Variants in PLCXD3 observed in about 807,000 individuals in gnomAD.
PLCXD3 encodes phosphatidylinositol specific phospholipase C X domain containing 3.
PLCXD3 carries 19 observed loss-of-function variants against 25.5 expected under a neutral mutation model. The ratio of observed to expected loss-of-function variants is 0.75; its 90% CI spans 0.52 to 1.09. PLCXD3 has a LOEUF of 1.09. Among genes scored for constraint, PLCXD3 ranks in the 50% least tolerant of loss-of-function variants. The pLI, the probability that PLCXD3 is intolerant of heterozygous loss-of-function variation, is 0.00. For missense variants in PLCXD3, 411 were observed against 388.1 expected (o/e 1.06, Z -0.50); for synonymous variants, 174 against 137.6 (o/e 1.26, Z -1.85).
At chr5:41,362,681 T>G (rs779544919) in intron 2 of PLCXD3, among the ~76,000 whole-genome samples, 4 of 152,224 alleles carry the variant, frequency 2.6e-5, no homozygotes, top group Non-Finnish European at 4.4e-5. Context: ...AAAAGATTTA[T>G]GAGTTAAGTT....
chr5:41,510,363 AGCAGGGCGGGGCAGGTGGAGCGGGC>A, intron 1 of PLCXD3, 36 bp downstream of exon 1: 1 of 1,424,828 alleles, frequency 7.0e-7, no homozygotes, highest in Admixed American at 2.0e-5. Context: ...TGGCAGATAA[AGCAGGGCGGGGCAGGTGGAGCGGGC>A]GCCGAGCGCC....
At chr5:41,454,743 C>T (rs567547830) in intron 1 of PLCXD3, among the ~76,000 whole-genome samples, 7 of 151,836 alleles carry the variant, frequency 4.6e-5, no homozygotes, top group South Asian at 2.1e-4. Flanking sequence ...TGACAACCAC[C>T]GGAACTTAAG....
chr5:41,479,848 G>A (rs1486758369), intron 1 of PLCXD3, among the ~76,000 whole-genome samples: 1 of 151,922 alleles, frequency 6.6e-6, no homozygotes, highest in Non-Finnish European at 1.5e-5. Flanking sequence ...GAACCCTATA[G>A]GTTCATTACA....
At chr5:41,391,745 T>A (rs1443410054) in intron 1 of PLCXD3, among the ~76,000 whole-genome samples, 1 of 152,132 alleles carries the variant, frequency 6.6e-6, no homozygotes, top group South Asian at 2.1e-4. Context: ...CCAAGTGGGT[T>A]CTTGGGGTCC....
intron 1 of PLCXD3, among the ~76,000 whole-genome samples, chr5:41,439,780 A>G (rs1747337335): frequency 6.6e-6 from 1 of 152,210 alleles, no homozygotes; most frequent in South Asian, 2.1e-4. Context: ...TTAAAACCTA[A>G]TATCTAAAAC....
At chr5:41,340,208 C>A (rs1413569508) in intron 2 of PLCXD3, among the ~76,000 whole-genome samples, 2 of 152,100 alleles carry the variant, frequency 1.3e-5, no homozygotes, top group Non-Finnish European at 2.9e-5. Context: ...CAGCATTCAC[C>A]AGTCTCTTTT....
intron 1 of PLCXD3, among the ~76,000 whole-genome samples, chr5:41,399,063 C>A (rs1219465351): frequency 6.6e-6 from 1 of 151,936 alleles, no homozygotes; most frequent in Non-Finnish European, 1.5e-5. Flanking sequence ...CAACAGTGAA[C>A]AATGGGAAAA....
chr5:41,504,825 C>G (rs1256262833), intron 1 of PLCXD3, among the ~76,000 whole-genome samples: 1 of 152,180 alleles, frequency 6.6e-6, no homozygotes, highest in African/African-American at 2.4e-5. Context: ...GCTTATAGAT[C>G]ATACTTAAGA....
intron 2 of PLCXD3, among the ~76,000 whole-genome samples, chr5:41,369,601 C>T (rs1462642894): frequency 6.6e-6 from 1 of 152,038 alleles, no homozygotes; most frequent in Admixed American, 6.6e-5. Flanking sequence ...CTGCCTCAGC[C>T]TCTTGAGTAG....
intron 2 of PLCXD3, among the ~76,000 whole-genome samples, chr5:41,373,081 A>G (rs190923345): frequency 1.3e-5 from 2 of 152,214 alleles, no homozygotes; most frequent in East Asian, 3.9e-4. Flanking sequence ...GTTTTTGGCC[A>G]TGATGGGATG....
At chr5:41,414,553 G>A (rs549393489) in intron 1 of PLCXD3, among the ~76,000 whole-genome samples, 3 of 152,252 alleles carry the variant, frequency 2.0e-5, no homozygotes, top group South Asian at 2.1e-4. Flanking sequence ...TATTATATTT[G>A]TGTGTCTCTA....
chr5:41,459,443 C>A (rs185786477), intron 1 of PLCXD3, among the ~76,000 whole-genome samples: 63 of 151,862 alleles, frequency 4.1e-4, no homozygotes, highest in African/African-American at 1.5e-3. Flanking sequence ...AATATAATGC[C>A]ACAATGAATA....
At chr5:41,330,577 C>T (rs368962267) in intron 2 of PLCXD3, among the ~76,000 whole-genome samples, 2 of 152,152 alleles carry the variant, frequency 1.3e-5, no homozygotes, top group African/African-American at 4.8e-5. Context: ...AAAAAGGAAT[C>T]CTCCCTAACT....
At chr5:41,450,656 T>C (rs1747607851) in intron 1 of PLCXD3, among the ~76,000 whole-genome samples, 1 of 152,146 alleles carries the variant, frequency 6.6e-6, no homozygotes, top group Non-Finnish European at 1.5e-5. Context: ...AAGAACACTT[T>C]ACTTGTTAAG....
At position 41,510,542 on chromosome 5, in the gene PLCXD3, G is replaced by A. The variant is rs773307039; in HGVS notation, c.-16C>T. ...ACGAGGCCATCGTGCCAGTCGGCGT[G>A]CAGCGCGCTGGTCCCAGCACTCCTC... On this transcript the variant is annotated 5_prime_UTR_variant, in exon 1 of 3. Coordinates refer to ENST00000377801, the MANE Select transcript of PLCXD3 (RefSeq NM_001005473.3). The A allele has an allele frequency of 1.9e-6, 3 of 1,607,082 alleles. No individual in the cohort carries two copies. The South Asian group carries it at 3.3e-5, about 18-fold the overall frequency.
At chr5:41,364,158 G>A (rs1744871623) in intron 2 of PLCXD3, among the ~76,000 whole-genome samples, 1 of 152,112 alleles carries the variant, frequency 6.6e-6, no homozygotes, top group African/African-American at 2.4e-5. Flanking sequence ...AGGTGCTACT[G>A]GAATCCAGTG....
intron 2 of PLCXD3, among the ~76,000 whole-genome samples, chr5:41,351,039 T>C (rs1744445599): frequency 6.6e-6 from 1 of 152,234 alleles, no homozygotes; most frequent in African/African-American, 2.4e-5. Flanking sequence ...AAGTATTAAA[T>C]TATGTTTTAT....
intron 2 of PLCXD3, among the ~76,000 whole-genome samples, chr5:41,379,206 C>G (rs989936136): frequency 6.6e-6 from 1 of 152,074 alleles, no homozygotes; most frequent in Non-Finnish European, 1.5e-5. Context: ...TTCCCCACCT[C>G]TAGTGACCCA....
At chr5:41,492,261 C>T (rs1479532792) in intron 1 of PLCXD3, among the ~76,000 whole-genome samples, 3 of 152,066 alleles carry the variant, frequency 2.0e-5, no homozygotes, top group Non-Finnish European at 2.9e-5. Context: ...TGAATATTGG[C>T]CCCCACTCTC....
Sources: allele counts gnomAD v4.1 joint callset (sites outside exome capture counted in the v4.1 genomes callset), GRCh38; gene constraint gnomAD v4.1.1; transcripts MANE v1.5; gene names NCBI Gene and HGNC (gene_info 2026-07-23, HGNC 2026-07-21).